The following RHBDF2 variants were observed in gnomAD, a reference collection of about 807,000 sequenced individuals.
RHBDF2 encodes inactive rhomboid protein 2.
In RHBDF2, 38 loss-of-function variants were observed where a neutral mutation model predicts 95.2. That is an observed-to-expected ratio of 0.40 (90% CI 0.31 to 0.52). The LOEUF (loss-of-function observed/expected upper bound fraction) is 0.52. Ranked by LOEUF, RHBDF2 falls within the 20% of genes least tolerant of loss-of-function variation. The pLI, the probability that RHBDF2 is intolerant of heterozygous loss-of-function variation, is 0.56. For missense variants in RHBDF2, 863 were observed against 1,137.7 expected (o/e 0.76, Z 3.47); for synonymous variants, 442 against 462.0 (o/e 0.96, Z 0.55).
At chr17:76,482,935 C>T (rs537330944) in intron 2 of RHBDF2, among the ~76,000 whole-genome samples, 4 of 152,042 alleles carry the variant, frequency 2.6e-5, no homozygotes, top group Non-Finnish European at 4.4e-5. Context: ...TTTGGGAGAC[C>T]AAGGTGGATG....
chr17:76,497,572 C>T (rs2074458198), intron 1 of RHBDF2, among the ~76,000 whole-genome samples: 1 of 152,212 alleles, frequency 6.6e-6, no homozygotes, highest in Admixed American at 6.5e-5. Flanking sequence ...GGACCGGCAG[C>T]CACGCCCCTA....
Position 76,473,253 on chromosome 17 carries a change from TG to T in RHBDF2, c.1807del (p.Gln603ArgfsTer47), listed in dbSNP as rs2073648368. On this transcript the variant is annotated frameshift_variant and splice_region_variant, in exon 16 of 19. Transcript: ENST00000675367. LOFTEE classifies it high-confidence loss of function. ...TACTCCAGGCCTGCCTCGCCTCACCTGGGAGCAGAGTGTTGCTTCCTCATGG... is the reference window on the plus strand; with the variant it reads ...TACTCCAGGCCTGCCTCGCCTCACCTGGAGCAGAGTGTTGCTTCCTCATGG... ...YFHEEATLCS[Q>X]VHCLDKVCGL... The T allele has an allele frequency of 6.2e-7, 1 of 1,612,418 alleles. No homozygotes were observed. Among genetic ancestry groups the T allele is most frequent in the Non-Finnish European group, 8.5e-7 (1 of 1,179,230 alleles).
At chr17:76,497,491 T>C (rs1598176235) in intron 1 of RHBDF2, among the ~76,000 whole-genome samples, 1 of 152,324 alleles carries the variant, frequency 6.6e-6, no homozygotes, top group South Asian at 2.1e-4. Flanking sequence ...CACTGCTCCA[T>C]ATGCGTGTTC....
Position 76,482,688 on chromosome 17 carries a change from G to C in RHBDF2, c.-21-1143C>G, listed in dbSNP as rs372787068. ...CTTGGGAGGCTGAGGCACGAGAATT[G>C]CTTGAACCCAGGAGGCAGAGGTTGC... On this transcript the variant is annotated intron_variant, in intron 2 of 18. Transcript: ENST00000675367. Among the ~76,000 whole-genome samples, 4 of 151,400 alleles carry C rather than the reference G, an allele frequency of 2.6e-5. No individual in the cohort carries two copies. In the East Asian group the frequency reaches 6.0e-4, roughly 23 times the overall value.
intron 1 of RHBDF2, among the ~76,000 whole-genome samples, chr17:76,499,221 C>T (rs968848937): frequency 6.6e-6 from 1 of 152,094 alleles, no homozygotes; most frequent in Non-Finnish European, 1.5e-5. Flanking sequence ...TCGAAACCTC[C>T]ACCAGGGTTC....
At chr17:76,473,129 AGC>A in intron 16 of RHBDF2, 24 bp from the exon 17 acceptor site, 1 of 1,603,486 alleles carries the variant, frequency 6.2e-7, no homozygotes, top group Non-Finnish European at 8.5e-7. Flanking sequence ...TATGGTGCTC[AGC>A]GCCCCAGAAG....
At chr17:76,500,942 G>C (rs755065781) in intron 1 of RHBDF2, 6 of 152,410 alleles carry the variant, frequency 3.9e-5, no homozygotes, top group Non-Finnish European at 7.3e-5. Context: ...TCACCCGGGA[G>C]AAAGTGGAGG....
At chr17:76,498,823 TGA>T (rs1491005628) in intron 1 of RHBDF2, among the ~76,000 whole-genome samples, 3 of 141,206 alleles carry the variant, frequency 2.1e-5, no homozygotes, top group African/African-American at 5.2e-5. Flanking sequence ...TGTGTGTGTG[TGA>T]GTCTGTGTGT....
At chr17:76,481,228 G>T (rs867405353) in intron 3 of RHBDF2, 147 bp downstream of exon 3, 3 of 871,390 alleles carry the variant, frequency 3.4e-6, no homozygotes, top group Non-Finnish European at 3.4e-6. Context: ...CAGGAAGGAG[G>T]GGGTAGGGCC....
intron 2 of RHBDF2, among the ~76,000 whole-genome samples, chr17:76,482,109 C>A (rs887567879): frequency 2.0e-5 from 3 of 152,062 alleles, no homozygotes; most frequent in African/African-American, 7.2e-5. Context: ...ATTTGCATCC[C>A]GGACCATATG....
Position 76,475,079 on chromosome 17 carries a change from G to T in RHBDF2, c.1178C>A (p.Thr393Lys). ...AAAGCCCACGGGTGCGATGCCATACGTGCAAATCACCAGCAGCGTGATGAT... is the reference window on the plus strand; with the variant it reads ...AAAGCCCACGGGTGCGATGCCATACTTGCAAATCACCAGCAGCGTGATGAT... ...HVIITLLVIC[T>K]YGIAPVGFAQ... The change falls in exon 10 of 19, where the codon ACG (threonine) becomes AAG (lysine). Residue 393 changes from threonine (T) to lysine (K), a missense_variant. Physicochemically the swap from Thr to Lys is moderately conservative, Grantham distance 78. Around this residue, in one of 2 missense-constraint regions of RHBDF2, gnomAD observed 611 missense variants for 725.5 expected, o/e 0.84. Coordinates refer to ENST00000675367, the MANE Select transcript of RHBDF2 (RefSeq NM_001005498.4). The T allele has an allele frequency of 6.3e-7, 1 of 1,599,790 alleles. No individual in the cohort carries two copies. The highest frequency in any genetic ancestry group is 8.5e-7 in the Non-Finnish European group (1 of 1,174,082).
chr17:76,492,225 G>A (rs2074319258), intron 1 of RHBDF2, among the ~76,000 whole-genome samples: 1 of 152,174 alleles, frequency 6.6e-6, no homozygotes, highest in African/African-American at 2.4e-5. Flanking sequence ...GAAAAAAAGT[G>A]AAGTGCAGAG....
chr17:76,474,758 T>C lies in RHBDF2; in HGVS notation c.1274A>G (p.Gln425Arg). 6.2e-7 allele frequency: 1 copy of C among 1,614,168 alleles called. No homozygotes were observed. The highest frequency in any genetic ancestry group is 8.5e-7 in the Non-Finnish European group (1 of 1,180,004). The part of the protein sequence containing the change: ...GVYESVKYIQ[Q>R]ENFWVGPSSI... ...GCTGGGGCCAACCCAGAAGTTCTCC[T>C]GCTGGATGTACTTCACGCTCTCGTA... The change falls in exon 11 of 19, where the codon CAG becomes CGG. Residue 425 changes from glutamine to arginine, a missense_variant. By Grantham distance (43) the Gln-to-Arg change is conservative. Around this residue, in one of 2 missense-constraint regions of RHBDF2, gnomAD observed 611 missense variants for 725.5 expected, o/e 0.84. Transcript: ENST00000675367.
At chr17:76,476,666 A>G (rs1056364837) in intron 9 of RHBDF2, 164 bp downstream of exon 9, 3 of 1,085,596 alleles carry the variant, frequency 2.8e-6, no homozygotes, top group East Asian at 2.6e-5. Flanking sequence ...GGTCATGTGC[A>G]CAACCCTTGG....
intron 1 of RHBDF2, among the ~76,000 whole-genome samples, chr17:76,495,810 T>C (rs1006586044): frequency 1.3e-5 from 2 of 152,156 alleles, no homozygotes; most frequent in Non-Finnish European, 2.9e-5. Context: ...TCTGAGCTTG[T>C]AAACGGTCAT....
At chr17:76,472,591 C>A (rs1248724647) in intron 18 of RHBDF2, 95 bp downstream of exon 18, 1 of 1,511,772 alleles carries the variant, frequency 6.6e-7, no homozygotes, top group Non-Finnish European at 9.2e-7. Flanking sequence ...ACAGGAGGGG[C>A]ACCGTGTCCC....
rs760745986 is a variant in RHBDF2, at chr17:76,478,912, G to T, written c.566C>A (p.Ser189Tyr). 2 of 1,609,990 alleles carry T rather than the reference G, an allele frequency of 1.2e-6. No individual in the cohort carries two copies. The part of the protein sequence containing the change: ...PHPPLTPGVL[S>Y]LTSFTSVRSG... ...ACGGACACTGGTGAAGGAGGTGAGGGACAGGACTCCGGGGGTCAGCGGTGG... is the reference window on the plus strand; with the variant it reads ...ACGGACACTGGTGAAGGAGGTGAGGTACAGGACTCCGGGGGTCAGCGGTGG... The change falls in exon 6 of 19, where the codon TCC becomes TAC. Residue 189 changes from serine to tyrosine, a missense_variant. Physicochemically the swap from Ser to Tyr is moderately radical, Grantham distance 144. Transcript: ENST00000675367.
In RHBDF2 at chr17:76,473,019, G is replaced by A. The variant is rs757136374; in HGVS notation, c.1896C>T (p.Leu632=). The A allele has an allele frequency of 4.3e-6, 7 of 1,614,014 alleles. No individual in the cohort carries two copies. The highest frequency in any genetic ancestry group is 5.1e-6 in the Non-Finnish European group (6 of 1,179,862). ...PDQFYRLWLS[L]FLHAGVVHCL... ...GAGCCTCTTACCCAGCATGTAGGAA[G>A]AGAGACAGCCAGAGCCTGTAGAACT... Residue 632 remains leucine, a synonymous_variant, in exon 17 of 19, where the codon CTC becomes CTT. Transcript: ENST00000675367.
intron 2 of RHBDF2, chr17:76,481,907 C>T (rs917766888): frequency 6.9e-5 from 13 of 189,046 alleles, no homozygotes; most frequent in Non-Finnish European, 1.1e-4. Flanking sequence ...GCCGAGATCG[C>T]GCCACTGCAC....
Sources: allele counts gnomAD v4.1 joint callset (sites outside exome capture counted in the v4.1 genomes callset), GRCh38; gene constraint gnomAD v4.1.1; regional missense constraint gnomAD v4.1.1; transcripts MANE v1.5; gene names NCBI Gene and HGNC (gene_info 2026-07-23, HGNC 2026-07-21).